The following DNAH5 variants were observed in gnomAD, a reference collection of about 807,000 sequenced individuals.
The protein encoded by DNAH5 is axonemal beta dynein heavy chain 5.
DNAH5 carries 372 observed loss-of-function variants against 518.2 expected under a neutral mutation model. That is an observed-to-expected ratio of 0.72 (90% CI 0.66 to 0.78). The LOEUF (loss-of-function observed/expected upper bound fraction) is 0.78, where lower values mean the gene tolerates loss of function less well. DNAH5 is among the 30% of genes least tolerant of loss of function. The pLI is 0.00. For missense variants in DNAH5, 5,523 were observed against 5,687.0 expected (o/e 0.97, Z 0.93); for synonymous variants, 2,039 against 2,025.9 (o/e 1.01, Z -0.17).
At chr5:13,976,731 AC>A (rs1271191479) in intron 1 of DNAH5, among the ~76,000 whole-genome samples, 1 of 151,326 alleles carries the variant, frequency 6.6e-6, no homozygotes. Flanking sequence ...ACATACACAC[AC>A]ACACACACAC....
chr5:13,858,028 G>C (rs1184187119), intron 30 of DNAH5, among the ~76,000 whole-genome samples: 1 of 152,064 alleles, frequency 6.6e-6, no homozygotes, highest in South Asian at 2.1e-4. Flanking sequence ...CAAGGAGCTA[G>C]AACTAGAAAT....
intron 38 of DNAH5, 80 bp downstream of exon 38, chr5:13,829,430 G>A: frequency 6.8e-7 from 1 of 1,467,130 alleles, no homozygotes; most frequent in East Asian, 2.3e-5. Flanking sequence ...GCCCAGTCTA[G>A]AATTTCTCAA....
intron 47 of DNAH5, among the ~76,000 whole-genome samples, chr5:13,805,353 C>T (rs886258912): frequency 2.0e-5 from 3 of 152,004 alleles, no homozygotes; most frequent in African/African-American, 4.8e-5. Flanking sequence ...CAAAAATTAG[C>T]GGGGTGTGGT....
intron 1 of DNAH5, among the ~76,000 whole-genome samples, chr5:13,966,647 T>A (rs1371797233): frequency 6.6e-6 from 1 of 152,194 alleles, no homozygotes; most frequent in Non-Finnish European, 1.5e-5. Flanking sequence ...TGTTGGCCAT[T>A]TGTATATCTT....
intron 73 of DNAH5, among the ~76,000 whole-genome samples, chr5:13,717,075 C>A (rs1379756392): frequency 6.6e-6 from 1 of 152,144 alleles, no homozygotes; most frequent in African/African-American, 2.4e-5. Context: ...GAACAGGCCC[C>A]TTGAGGCTGT....
In DNAH5 at chr5:13,829,371, G is replaced by A. The variant is rs1315176803; in HGVS notation, c.6444+139C>T. On this transcript the variant is annotated intron_variant, in intron 38 of 78. Coordinates refer to ENST00000265104, the MANE Select transcript of DNAH5 (RefSeq NM_001369.3). ...AAACTATGCATATAAAATTATTTTTGTAGTAATACACCTTTCTACTCAGTG... is the reference window on the plus strand; with the variant it reads ...AAACTATGCATATAAAATTATTTTTATAGTAATACACCTTTCTACTCAGTG... 6.9e-6 allele frequency: 5 copies of A among 719,878 alleles called. No individual in the cohort carries two copies. In the East Asian group the frequency reaches 1.4e-4, roughly 20 times the overall value. The allele number at this position is 719,878 out of a possible 1,614,324, so 44.6% of individuals were successfully genotyped here.
chr5:13,974,680 G>A (rs1024285362), intron 1 of DNAH5, among the ~76,000 whole-genome samples: 1 of 152,158 alleles, frequency 6.6e-6, no homozygotes, highest in Non-Finnish European at 1.5e-5. Context: ...GACACCCTTT[G>A]CTACCCACCC....
At position 13,928,191 on chromosome 5, in the gene DNAH5, A is replaced by G; in HGVS notation, c.193-13T>C. 7.5e-6 allele frequency: 12 copies of G among 1,599,276 alleles called. No homozygotes were observed. Among genetic ancestry groups the G allele is most frequent in the Non-Finnish European group, 9.4e-6 (11 of 1,166,692 alleles). On this transcript the variant is annotated splice_polypyrimidine_tract_variant and intron_variant, in intron 2 of 78. Coordinates refer to ENST00000265104, the MANE Select transcript of DNAH5 (RefSeq NM_001369.3). ...CAATTCTTTCAATCTGGGAAAAAGA[A>G]AAAGGCAAGATAATGATTTTCAATC...
chr5:13,770,778 C>T lies in DNAH5; in HGVS notation c.9576G>A (p.Lys3192=), dbSNP rs1478296413. 1 of 1,614,064 alleles carries T rather than the reference C, an allele frequency of 6.2e-7. No homozygotes were observed. The highest frequency in any genetic ancestry group is 2.2e-5 in the East Asian group (1 of 44,866). ...TGGCCAGGGTCCGCACCTCCACATGCTTTTCTCCATATATGAACTTATAGC... is the reference window on the plus strand; with the variant it reads ...TGGCCAGGGTCCGCACCTCCACATGTTTTTCTCCATATATGAACTTATAGC... The part of the protein sequence containing the change: ...IQGYKFIYGE[K]HVEVRTLANR... Residue 3192 remains lysine (K), a synonymous_variant, in exon 56 of 79, where the codon AAG becomes AAA. Transcript: ENST00000265104.
chr5:13,705,326 T>A (rs752576788), intron 76 of DNAH5, among the ~76,000 whole-genome samples: 1 of 152,082 alleles, frequency 6.6e-6, no homozygotes, highest in Non-Finnish European at 1.5e-5. Context: ...TTGCTGAGAG[T>A]GGCTTTTAGG....
At chr5:13,829,173 T>C (rs543604753) in intron 38 of DNAH5, among the ~76,000 whole-genome samples, 42 of 152,260 alleles carry the variant, frequency 2.8e-4, no homozygotes, top group African/African-American at 8.2e-4. Context: ...GAATAAATCA[T>C]TGGGAGGTTC....
intron 72 of DNAH5, 134 bp from the exon 73 acceptor site, chr5:13,717,654 T>A (rs1744489196): frequency 1.2e-6 from 1 of 807,882 alleles, no homozygotes; most frequent in Admixed American, 2.1e-5. Flanking sequence ...ATGACACTCA[T>A]GTGACAATAA....
intron 35 of DNAH5, among the ~76,000 whole-genome samples, chr5:13,834,108 C>A (rs1764050806): frequency 6.6e-6 from 1 of 152,172 alleles, no homozygotes; most frequent in Non-Finnish European, 1.5e-5. Flanking sequence ...ACTCACTTCC[C>A]ACATAATCAA....
At chr5:13,908,121 T>G (rs115904732) in intron 12 of DNAH5, among the ~76,000 whole-genome samples, 1 of 152,256 alleles carries the variant, frequency 6.6e-6, no homozygotes, top group African/African-American at 2.4e-5. Context: ...GCTCCAAAAC[T>G]GAAGGAGCTG....
In DNAH5 at chr5:13,840,387, T is replaced by A. The variant is rs111725176; in HGVS notation, c.5709+519A>T. 3.2e-3 allele frequency among the ~76,000 whole-genome samples: 494 copies of A among 152,320 alleles called. 3 individuals carry two copies. Among genetic ancestry groups the A allele is most frequent in the African/African-American group, 0.011 (453 of 41,576 alleles). On this transcript the variant is annotated intron_variant, in intron 34 of 78. Transcript: ENST00000265104. Reference sequence around the variant, plus strand: ...GCTACACAACTCTCTTTTCCCACCTTGTTCTCTATTTAAAAGCAAAAATGT... The same window carrying A: ...GCTACACAACTCTCTTTTCCCACCTAGTTCTCTATTTAAAAGCAAAAATGT...
chr5:13,692,620 C>G (rs1740846195), intron 78 of DNAH5, among the ~76,000 whole-genome samples: 1 of 152,170 alleles, frequency 6.6e-6, no homozygotes. Context: ...CCCCACCCCC[C>G]AGCTAAATCA....
chr5:13,794,971 T>C (rs1757606426), intron 47 of DNAH5, among the ~76,000 whole-genome samples: 1 of 151,804 alleles, frequency 6.6e-6, no homozygotes, highest in African/African-American at 2.4e-5. Context: ...CGTCTCAAAA[T>C]AAATAAATAA....
At chr5:13,716,024 G>C (rs775829552) in intron 74 of DNAH5, among the ~76,000 whole-genome samples, 7 of 152,200 alleles carry the variant, frequency 4.6e-5, no homozygotes, top group Admixed American at 1.3e-4. Context: ...CAGCTTCCTG[G>C]ACATATCCAT....
rs1741835470 is a variant in DNAH5 at position 13,699,740 on chromosome 5, AGTTC to A, written c.13723+896_13723+899del. ...TATAAATAAATAAATAAATACTTGT[AGTTC>A]ATAAATTATTTTATCCCTTTACTTG... is the stretch of plus-strand genomic sequence containing the variant. On this transcript the variant is annotated intron_variant, in intron 78 of 78. Coordinates refer to ENST00000265104, the MANE Select transcript of DNAH5 (RefSeq NM_001369.3). 5.9e-5 allele frequency among the ~76,000 whole-genome samples: 9 copies of A among 152,302 alleles called. No individual in the cohort carries two copies. In the South Asian group the frequency reaches 1.9e-3, roughly 32 times the overall value.
Sources: gnomAD v4.1 joint callset for allele counts (sites outside exome capture counted in the v4.1 genomes callset) on GRCh38, gnomAD v4.1.1 for gene constraint, MANE v1.5 for transcripts, NCBI Gene and HGNC (gene_info 2026-07-23, HGNC 2026-07-21) for gene names.